ZNF790: variants seen among roughly 807,000 people sequenced by gnomAD.
The protein encoded by ZNF790 is zinc finger protein 790.
In ZNF790, 8 loss-of-function variants were observed where a neutral mutation model predicts 12.1. The ratio of observed to expected loss-of-function variants is 0.66; its 90% CI spans 0.39 to 1.19. The LOEUF (loss-of-function observed/expected upper bound fraction) is 1.19, where lower values mean the gene tolerates loss of function less well. ZNF790 is among the 50% of genes most tolerant of loss of function. The pLI, the probability that ZNF790 is intolerant of heterozygous loss-of-function variation, is 0.01. For synonymous variants in ZNF790, 252 were observed against 244.3 expected, an observed-to-expected ratio of 1.03 and a Z score of -0.29; for missense variants, 707 against 752.2, an observed-to-expected ratio of 0.94 and a Z score of 0.70.
At chr19:36,850,551 T>C, upstream of ZNF790, 1 of 152,274 alleles carries the variant, frequency 6.6e-6, no homozygotes, top group East Asian at 1.9e-4. Context: ...GTTACTAAAC[T>C]GGCTTAGCTG....
Position 36,823,162 on chromosome 19 carries a change from G to A in ZNF790, c.229+123C>T, listed in dbSNP as rs2071714394. On this transcript the variant is annotated intron_variant, in intron 4 of 4. Coordinates refer to ENST00000356725, the MANE Select transcript of ZNF790 (RefSeq NM_206894.4). ...TTACAGGCGGGAGCCACCACACCCG[G>A]CCCATTTTTTGGTCTTAAGGGGATA... is the stretch of plus-strand genomic sequence containing the variant. The A allele has an allele frequency of 3.8e-6, 3 of 785,426 alleles. No individual in the cohort carries two copies. In the Admixed American group the frequency reaches 8.0e-5, roughly 21 times the overall value. The allele number at this position is 785,426 out of a possible 1,614,324, so 48.7% of individuals were successfully genotyped here.
In ZNF790 at chr19:36,819,324, A is replaced by G. The variant is rs1366938067; in HGVS notation, c.1020T>C (p.Cys340=). 2 of 1,611,800 alleles carry G rather than the reference A, an allele frequency of 1.2e-6. No individual in the cohort carries two copies. The highest frequency in any genetic ancestry group is 1.7e-6 in the Non-Finnish European group (2 of 1,178,680). Residue 340 remains cysteine (C), a synonymous_variant, in exon 5 of 5, where the codon TGT becomes TGC. Transcript: ENST00000356725. ...RIHTGEKPYE[C]KECGKAFTRG... The stretch of plus-strand genomic sequence containing the variant: ...GAGTAAAAGCTTTCCCACACTCCTT[A>G]CATTCATAAGGTTTTTCACCAGTGT...
chr19:36,827,592 A>G (rs1472534154), intron 1 of ZNF790: 2 of 153,046 alleles, frequency 1.3e-5, no homozygotes, highest in East Asian at 1.9e-4. Context: ...CTTGGTGACC[A>G]TTGTTTGTGT....
At chr19:36,844,321 CAAAACAA>C (rs2072157023) in intron 1 of ZNF790, among the ~76,000 whole-genome samples, 1 of 138,082 alleles carries the variant, frequency 7.2e-6, no homozygotes, top group Non-Finnish European at 1.6e-5. Flanking sequence ...AAAAACAAAA[CAAAACAA>C]AAAACAAAAA....
At chr19:36,844,350 A>C (rs976548701) in intron 1 of ZNF790, among the ~76,000 whole-genome samples, 2 of 151,792 alleles carry the variant, frequency 1.3e-5, no homozygotes, top group Non-Finnish European at 2.9e-5. Flanking sequence ...AAAAAAACCC[A>C]AAAAGCCCCC....
At chr19:36,820,252 T>C (rs1181617413) in intron 4 of ZNF790, 138 bp from the exon 5 acceptor site, 10 of 878,276 alleles carry the variant, frequency 1.1e-5, no homozygotes, top group South Asian at 8.5e-5. Context: ...ATGAGCAATA[T>C]GAAAAAAAGG....
At chr19:36,825,779 G>C (rs1222902000) in intron 1 of ZNF790, 87 bp from the exon 2 acceptor site, 2 of 775,944 alleles carry the variant, frequency 2.6e-6, no homozygotes, top group South Asian at 1.5e-5. Context: ...TTGGAGGTAA[G>C]TCAGAAGGAA....
intron 1 of ZNF790, among the ~76,000 whole-genome samples, chr19:36,828,783 A>G (rs560308968): frequency 1.4e-4 from 21 of 152,324 alleles, no homozygotes; most frequent in Non-Finnish European, 2.9e-4. Flanking sequence ...CCAGCCAAAA[A>G]CTAATTCTAA....
chr19:36,846,186 C>T (rs1028692067), intron 1 of ZNF790, among the ~76,000 whole-genome samples: 5 of 152,152 alleles, frequency 3.3e-5, no homozygotes, highest in Admixed American at 3.3e-4. Flanking sequence ...GAATGGTATA[C>T]TCTGTGAGGA....
At chr19:36,833,918 A>G (rs916948334) in intron 1 of ZNF790, among the ~76,000 whole-genome samples, 1 of 152,206 alleles carries the variant, frequency 6.6e-6, no homozygotes, top group Non-Finnish European at 1.5e-5. Context: ...TGATCAGACT[A>G]CATTTTAAAA....
At position 36,823,275 on chromosome 19, in the gene ZNF790, C is replaced by T; in HGVS notation, c.229+10G>A. The T allele has an allele frequency of 6.2e-7, 1 of 1,612,032 alleles. No homozygotes were observed. Among genetic ancestry groups the T allele is most frequent in the Middle Eastern group, 1.7e-4 (1 of 6,050 alleles). The stretch of plus-strand genomic sequence containing the variant: ...AATGGCCTCCTTGTGCGTGTTCAGC[C>T]CTCACTCACCTGGGCAAGGTCCTCT... On this transcript the variant is annotated intron_variant, in intron 4 of 4. Transcript: ENST00000356725.
chr19:36,835,131 C>CA lies in ZNF790; in HGVS notation c.-74+3205dup, dbSNP rs112911936. 8.4e-3 allele frequency among the ~76,000 whole-genome samples: 1,283 copies of CA among 151,856 alleles called. 13 individuals carry two copies. Among genetic ancestry groups the CA allele is most frequent in the Middle Eastern group, 0.041 (12 of 294 alleles). On this transcript the variant is annotated intron_variant, in intron 1 of 4. Transcript: ENST00000356725. ...TGAAACCACGTGTCTACTAAAAATA[C>CA]AAAAAAAATTAGCCGGGCATGTTGG...
chr19:36,818,387 TTAA>T lies in ZNF790; in HGVS notation c.*43_*45del, dbSNP rs1206151989. The T allele has an allele frequency of 6.8e-7, 1 of 1,462,854 alleles. No individual in the cohort carries two copies. The highest frequency in any genetic ancestry group is 1.6e-5 in the South Asian group (1 of 62,330). 90.6% of individuals were successfully genotyped at this position (1,462,854 alleles called of 1,614,324 possible). A position where few individuals can be genotyped will look rare whatever the true frequency, so the allele number is the denominator to read the frequency against. The stretch of plus-strand genomic sequence containing the variant: ...AAGAGAAAAAAATAAATGACATCAA[TTAA>T]TGAGTCATGAATAAAGCCCTTCCTA... On this transcript the variant is annotated 3_prime_UTR_variant, in exon 5 of 5. Coordinates refer to ENST00000356725, the MANE Select transcript of ZNF790 (RefSeq NM_206894.4).
At chr19:36,839,370 A>G (rs1422601167), upstream of ZNF790, among the ~76,000 whole-genome samples, 1 of 152,198 alleles carries the variant, frequency 6.6e-6, no homozygotes, top group Non-Finnish European at 1.5e-5. Flanking sequence ...ACAAATGCCC[A>G]TTCTATGTGA....
chr19:36,843,333 A>G (rs1485726321), upstream of ZNF790, among the ~76,000 whole-genome samples: 3 of 152,218 alleles, frequency 2.0e-5, no homozygotes, highest in African/African-American at 7.2e-5. Flanking sequence ...ACTTAGGCGG[A>G]AAGCTTCCAA....
chr19:36,844,966 T>C (rs1251861653), intron 1 of ZNF790, among the ~76,000 whole-genome samples: 6 of 132,240 alleles, frequency 4.5e-5, no homozygotes, highest in Non-Finnish European at 1.5e-5. Flanking sequence ...GAGAATGGCG[T>C]GAACCCGGGA....
upstream of ZNF790, among the ~76,000 whole-genome samples, chr19:36,840,336 A>T (rs994799591): frequency 6.6e-6 from 1 of 152,214 alleles, no homozygotes; most frequent in African/African-American, 2.4e-5. Flanking sequence ...AAAGAAAATC[A>T]GTAAAGAAAA....
intron 1 of ZNF790, among the ~76,000 whole-genome samples, chr19:36,847,923 A>G (rs2072195348): frequency 6.6e-6 from 1 of 152,182 alleles, no homozygotes; most frequent in South Asian, 2.1e-4. Context: ...TGCAGCAGCA[A>G]GGTCCCATCT....
chr19:36,818,506 A>G lies in ZNF790; in HGVS notation c.1838T>C (p.Phe613Ser), dbSNP rs200388890. The stretch of plus-strand genomic sequence containing the variant: ...ATCTTTAAATTCATAGGATTTCTCA[A>G]AAGTGTAAATATTCTGGTGTTGAGC... ...NFAQHQNIYT[F>S]EKSYEFKDFE... Residue 613 changes from phenylalanine to serine, a missense_variant, in exon 5 of 5, where the codon TTT becomes TCT. Transcript: ENST00000356725. 59 of 1,590,534 alleles carry G rather than the reference A, an allele frequency of 3.7e-5. No homozygotes were observed. Among genetic ancestry groups the G allele is most frequent in the Non-Finnish European group, 4.8e-5 (56 of 1,164,310 alleles).
Sources: gnomAD v4.1 joint callset for allele counts (sites outside exome capture counted in the v4.1 genomes callset) on GRCh38, gnomAD v4.1.1 for gene constraint, MANE v1.5 for transcripts, NCBI Gene and HGNC (gene_info 2026-07-23, HGNC 2026-07-21) for gene names.